CUX1: variants seen among roughly 807,000 people sequenced by gnomAD.
The protein encoded by CUX1 is protein CASP.
A neutral mutation model predicts 158.8 loss-of-function variants in CUX1; 31 were observed. The ratio of observed to expected loss-of-function variants is 0.20; its 90% confidence interval spans 0.15 to 0.26. CUX1 has a LOEUF of 0.26. Ranked by LOEUF, CUX1 falls within the 10% of genes least tolerant of loss-of-function variation. The probability of loss-of-function intolerance (pLI) is 1.00; values close to 1 mark genes in which losing one functional copy is unlikely to be tolerated. For missense variants in CUX1, 1,589 were observed against 2,014.6 expected, an observed-to-expected ratio of 0.79 and a Z score of 4.04; for synonymous variants, 879 against 862.1, an observed-to-expected ratio of 1.02 and a Z score of -0.34.
At chr7:102,168,631 G>A (rs370065449) in intron 9 of CUX1, among the ~76,000 whole-genome samples, 36 of 133,656 alleles carry the variant, frequency 2.7e-4, no homozygotes, top group African/African-American at 7.3e-4. Flanking sequence ...GCGACAGAGC[G>A]AGGCTCTGTC....
chr7:102,046,569 ATTTTTTTTTTTTTT>A (rs55753644), intron 3 of CUX1, among the ~76,000 whole-genome samples: 2 of 55,466 alleles, frequency 3.6e-5, no homozygotes, highest in Non-Finnish European at 3.2e-5. Context: ...TTTGGTTTGG[ATTTTTTTTTTTTTT>A]TTTTTTTTTT....
At chr7:102,177,630 C>T (rs573039890) in intron 10 of CUX1, among the ~76,000 whole-genome samples, 1 of 152,150 alleles carries the variant, frequency 6.6e-6, no homozygotes, top group Admixed American at 6.6e-5. Flanking sequence ...ACTCTTCCCT[C>T]TTCCCCAACG....
At chr7:101,844,415 C>A (rs1197626305) in intron 1 of CUX1, among the ~76,000 whole-genome samples, 1 of 152,112 alleles carries the variant, frequency 6.6e-6, no homozygotes, top group East Asian at 1.9e-4. Context: ...TTAAGTGATA[C>A]ATTAGCTGGA....
intron 1 of CUX1, among the ~76,000 whole-genome samples, chr7:101,891,893 T>G (rs1220979763): frequency 3.3e-5 from 5 of 152,272 alleles, no homozygotes; most frequent in Non-Finnish European, 5.9e-5. Context: ...CAGTTTTTCA[T>G]CATTTTCTCC....
At chr7:102,149,658 G>A (rs1554503050) in intron 8 of CUX1, among the ~76,000 whole-genome samples, 1 of 152,210 alleles carries the variant, frequency 6.6e-6, no homozygotes, top group Non-Finnish European at 1.5e-5. Context: ...TTTGCTGGGA[G>A]TAATCTTGCC....
intron 9 of CUX1, among the ~76,000 whole-genome samples, chr7:102,166,551 CT>C (rs1247030676): frequency 6.6e-6 from 1 of 152,166 alleles, no homozygotes; most frequent in East Asian, 1.9e-4. Flanking sequence ...ACGCCAGAGC[CT>C]CAAAACCAGT....
chr7:102,084,691 G>A (rs1827781750), intron 4 of CUX1, among the ~76,000 whole-genome samples: 1 of 118,512 alleles, frequency 8.4e-6, no homozygotes, highest in African/African-American at 2.6e-5. Context: ...CCAAAGTACT[G>A]GGATTACAGG....
rs1794842895 is a variant in CUX1, at chr7:102,196,751, G to A, written c.1340G>A (p.Gly447Asp). The A allele has an allele frequency of 3.1e-6, 5 of 1,613,998 alleles. No homozygotes were observed. The highest frequency in any genetic ancestry group is 1.7e-5 in the Admixed American group (1 of 60,010). ...GGGGAGCAGGCTTCCAATACTAATG[G>A]TACACACCAGTTCTCACCAGCGGGG... ...NPGEQASNTN[G>D]THQFSPAGLS... The change falls in exon 15 of 24, where the codon GGT becomes GAT. Residue 447 changes from glycine to aspartate, a missense_variant. Coordinates refer to ENST00000292535, the MANE Select transcript of CUX1 (RefSeq NM_181552.4).
chr7:102,273,841 A>C (rs1158989531), intron 15 of CUX1, among the ~76,000 whole-genome samples: 1 of 152,268 alleles, frequency 6.6e-6, no homozygotes, highest in Non-Finnish European at 1.5e-5. Flanking sequence ...AGGCTGGGAC[A>C]TAAACAGCCC....
At chr7:102,089,465 T>C (rs1828295859) in intron 4 of CUX1, among the ~76,000 whole-genome samples, 1 of 152,200 alleles carries the variant, frequency 6.6e-6, no homozygotes, top group Non-Finnish European at 1.5e-5. Context: ...ATCCTGAGAC[T>C]TGTTTGTAGC....
At chr7:101,827,973 GTTTT>G (rs112801049) in intron 1 of CUX1, among the ~76,000 whole-genome samples, 1 of 98,696 alleles carries the variant, frequency 1.0e-5, no homozygotes, top group Non-Finnish European at 2.0e-5. Flanking sequence ...GGTATAACTT[GTTTT>G]TTTTTTTTTT....
intron 2 of CUX1, among the ~76,000 whole-genome samples, chr7:102,023,221 C>T (rs1473152747): frequency 6.6e-6 from 1 of 151,998 alleles, no homozygotes; most frequent in South Asian, 2.1e-4. Flanking sequence ...TCCCCCTCCC[C>T]GCAAAAAAGT....
In CUX1 at chr7:101,916,221, C is replaced by T. The variant is rs761704472; in HGVS notation, c.137C>T (p.Pro46Leu). ...AGCCGGGAGTTCAAGAAGAACACTC[C>T]AGAGGTGAGGCGCGTGACCATCGTG... ...EQSREFKKNT[P>L]EDLRKQVAPL... Residue 46 changes from proline to leucine, a missense_variant, in exon 2 of 24, where the codon CCA becomes CTA. Pro to Leu is a moderately conservative substitution (Grantham distance 98, BLOSUM62 -3). Coordinates refer to ENST00000292535, the MANE Select transcript of CUX1 (RefSeq NM_181552.4). This position sits in a 1 kb window ranked among gnomAD's most constrained non-coding sequence, Gnocchi z 4.4. 6.2e-7 allele frequency: 1 copy of T among 1,601,056 alleles called. No homozygotes were observed.
chr7:101,989,817 C>T (rs1814867224), intron 2 of CUX1, among the ~76,000 whole-genome samples: 1 of 152,210 alleles, frequency 6.6e-6, no homozygotes, highest in South Asian at 2.1e-4. Context: ...CTAAGGTCAG[C>T]CCTGGGTTAG....
intron 2 of CUX1, among the ~76,000 whole-genome samples, chr7:101,985,700 C>CG (rs1376394410): frequency 6.6e-6 from 1 of 152,320 alleles, no homozygotes; most frequent in East Asian, 1.9e-4. Context: ...AAAGCCACCA[C>CG]CCTGTTTTGA....
At chr7:102,003,465 G>C (rs537338347) in intron 2 of CUX1, among the ~76,000 whole-genome samples, 1 of 152,326 alleles carries the variant, frequency 6.6e-6, no homozygotes, top group East Asian at 1.9e-4. Context: ...TGGAGTGCCA[G>C]CCTTGCATTC....
At chr7:102,262,502 A>G (rs1554544136), downstream of CUX1, among the ~76,000 whole-genome samples, 1 of 152,216 alleles carries the variant, frequency 6.6e-6, no homozygotes, top group African/African-American at 2.4e-5. Context: ...GTGGCAGGGC[A>G]GAGCCTGGAA....
rs367708774 is a variant in CUX1 at position 102,201,578 on chromosome 7, G to A, written c.2281G>A (p.Ala761Thr). ...CACCGTGTCCAGCTACCCACCTCTC[G>A]CCATCTCCCTGAAGAAGCCCTCCGC... ...MPTVSSYPPL[A>T]ISLKKPSAAP... The change falls in exon 18 of 24, where the codon GCC becomes ACC. Residue 761 changes from alanine to threonine, a missense_variant. By Grantham distance (58) the Ala-to-Thr change is moderately conservative. Around this residue, in one of 8 missense-constraint regions of CUX1, gnomAD observed 337 missense variants for 409.3 expected, o/e 0.82. Transcript: ENST00000292535. The surrounding 1 kb of genome is among the most constrained non-coding windows in gnomAD (Gnocchi z 5.0). 1.1e-5 allele frequency: 18 copies of A among 1,613,890 alleles called. No homozygotes were observed. Among genetic ancestry groups the A allele is most frequent in the Admixed American group, 8.3e-5 (5 of 59,994 alleles).
At chr7:102,065,575 C>T (rs1296434005) in intron 3 of CUX1, among the ~76,000 whole-genome samples, 4 of 152,176 alleles carry the variant, frequency 2.6e-5, no homozygotes, top group African/African-American at 9.6e-5. Flanking sequence ...TTTAAGAAAC[C>T]TCATGGTCCA....
Sources: allele counts gnomAD v4.1 joint callset (sites outside exome capture counted in the v4.1 genomes callset), GRCh38; gene constraint gnomAD v4.1.1; regional missense constraint gnomAD v4.1.1; non-coding constraint Gnocchi (gnomAD v3.1); transcripts MANE v1.5; gene names NCBI Gene and HGNC (gene_info 2026-07-23, HGNC 2026-07-21).